CPNE5: variants seen among roughly 807,000 people sequenced by gnomAD.
CPNE5 encodes the protein copine-5.
A neutral mutation model predicts 81.1 loss-of-function variants in CPNE5; 42 were observed. That is an observed-to-expected ratio of 0.52 (90% confidence interval 0.40 to 0.67). The LOEUF is 0.67. Ranked by LOEUF, CPNE5 falls within the 30% of genes least tolerant of loss-of-function variation. The pLI is 0.00. For synonymous variants in CPNE5, 313 were observed against 321.5 expected (o/e 0.97, Z 0.28); for missense variants, 612 against 815.5 (o/e 0.75, Z 3.04).
At chr6:36,756,590 G>A (rs1222996039) in intron 12 of CPNE5, among the ~76,000 whole-genome samples, 2 of 152,172 alleles carry the variant, frequency 1.3e-5, no homozygotes, top group Non-Finnish European at 2.9e-5. Context: ...CCTCCACCCA[G>A]TATAGCCAAA....
intron 10 of CPNE5, among the ~76,000 whole-genome samples, chr6:36,772,349 G>A (rs1026476791): frequency 5.3e-5 from 8 of 151,878 alleles, no homozygotes; most frequent in Admixed American, 2.0e-4. Flanking sequence ...CAACCAGCCC[G>A]TCCTCTCACT....
intron 10 of CPNE5, among the ~76,000 whole-genome samples, chr6:36,771,507 C>T (rs1225422673): frequency 6.6e-6 from 1 of 152,214 alleles, no homozygotes; most frequent in African/African-American, 2.4e-5. Flanking sequence ...AGAGCAGGGC[C>T]TGGCCCATGG....
intron 3 of CPNE5, among the ~76,000 whole-genome samples, chr6:36,819,550 C>A (rs539870791): frequency 6.6e-6 from 1 of 152,210 alleles, no homozygotes. Context: ...AGTCCACCAA[C>A]GAAGAAGGGA....
At chr6:36,798,391 G>T in intron 5 of CPNE5, 64 bp downstream of exon 5, 4 of 1,565,774 alleles carry the variant, frequency 2.6e-6, no homozygotes, top group Admixed American at 1.7e-5. Context: ...AAAGCCCCAG[G>T]CTCACCCAGA....
At chr6:36,795,210 G>A (rs930067367) in intron 6 of CPNE5, among the ~76,000 whole-genome samples, 9 of 151,944 alleles carry the variant, frequency 5.9e-5, no homozygotes, top group Non-Finnish European at 7.4e-5. Context: ...ACAGAGTCTC[G>A]CTCTGTCACC....
At chr6:36,834,254 C>CAAAAAAAAAAAAAAAAAAA (rs1157250827) in intron 1 of CPNE5, among the ~76,000 whole-genome samples, 1 of 21,684 alleles carries the variant, frequency 4.6e-5, no homozygotes, top group East Asian at 1.0e-3. Flanking sequence ...GACTGTATCT[C>CAAAAAAAAAAAAAAAAAAA]AAAAAAAAAA....
At chr6:36,783,135 G>C (rs1317722702) in intron 8 of CPNE5, among the ~76,000 whole-genome samples, 1 of 152,132 alleles carries the variant, frequency 6.6e-6, no homozygotes, top group Non-Finnish European at 1.5e-5. Flanking sequence ...ATAATCAGCT[G>C]TTGTTTGCCT....
At chr6:36,830,851 T>C (rs1011944844) in intron 1 of CPNE5, among the ~76,000 whole-genome samples, 7 of 152,222 alleles carry the variant, frequency 4.6e-5, no homozygotes, top group African/African-American at 1.7e-4. Context: ...TTCCCCCTCC[T>C]GTCCCATCAG....
At chr6:36,796,182 C>G (rs1195719371) in intron 6 of CPNE5, among the ~76,000 whole-genome samples, 1 of 152,220 alleles carries the variant, frequency 6.6e-6, no homozygotes, top group African/African-American at 2.4e-5. Context: ...CTCCCGACCT[C>G]AGGTGATCCA....
At position 36,766,696 on chromosome 6, in the gene CPNE5, C is replaced by T. The variant is rs1766593368; in HGVS notation, c.738-1320G>A. On this transcript the variant is annotated intron_variant, in intron 10 of 20. Coordinates refer to ENST00000244751, the MANE Select transcript of CPNE5 (RefSeq NM_020939.2). The surrounding 1 kb of genome is among the most constrained non-coding windows in gnomAD (Gnocchi z 4.2). ...GGGACCTGAGATGTCACTTAATCTC[C>T]CCGAGCCATAAGCCACCATTGAAAG... is the stretch of plus-strand genomic sequence containing the variant. Among the ~76,000 whole-genome samples the T allele has an allele frequency of 1.3e-5, 2 of 152,146 alleles. No homozygotes were observed. The highest frequency in any genetic ancestry group is 2.9e-5 in the Non-Finnish European group (2 of 68,022).
At chr6:36,788,118 C>T (rs1768744162) in intron 8 of CPNE5, among the ~76,000 whole-genome samples, 2 of 151,330 alleles carry the variant, frequency 1.3e-5, no homozygotes, top group Non-Finnish European at 2.9e-5. Context: ...GCAGCTTTGA[C>T]CTCCCAAGCT....
chr6:36,812,707 A>C (rs1021624107), intron 3 of CPNE5, among the ~76,000 whole-genome samples: 1 of 152,218 alleles, frequency 6.6e-6, no homozygotes, highest in Admixed American at 6.5e-5. Context: ...TGGACTGCCT[A>C]ACCCTGATCA....
At chr6:36,749,674 C>T (rs977357119) in intron 14 of CPNE5, among the ~76,000 whole-genome samples, 1 of 136,812 alleles carries the variant, frequency 7.3e-6, no homozygotes, top group African/African-American at 2.7e-5. Flanking sequence ...AAAAAAAAAA[C>T]CCACTAAAAT....
At chr6:36,816,430 C>T (rs554752798) in intron 3 of CPNE5, among the ~76,000 whole-genome samples, 7 of 152,334 alleles carry the variant, frequency 4.6e-5, no homozygotes, top group African/African-American at 1.2e-4. Context: ...CCAGGGGCCA[C>T]GAGAGCAGAT....
rs1394763921 is a variant in CPNE5, at chr6:36,740,789, C to G, written c.*1479G>C. The G allele has an allele frequency of 6.6e-6, 1 of 152,564 alleles. No homozygotes were observed. Among genetic ancestry groups the G allele is most frequent in the African/African-American group, 2.4e-5 (1 of 41,444 alleles). The allele number at this position is 152,564 out of a possible 1,614,324, so 9.5% of individuals were successfully genotyped here. A position where few individuals can be genotyped will look rare whatever the true frequency, so the allele number is the denominator to read the frequency against. On this transcript the variant is annotated 3_prime_UTR_variant, in exon 21 of 21. Coordinates refer to ENST00000244751, the MANE Select transcript of CPNE5 (RefSeq NM_020939.2). ...AAACTTCGTGCTTTACTAAAAGAAC[C>G]AAATTTACTTCAGTTTAAGGCAAAT...
At chr6:36,744,059 A>T (rs1215660144) in intron 19 of CPNE5, among the ~76,000 whole-genome samples, 1 of 152,206 alleles carries the variant, frequency 6.6e-6, no homozygotes, top group Non-Finnish European at 1.5e-5. Context: ...GTGTGGGTGC[A>T]CACCCAGACC....
rs779507694 is a variant in CPNE5 at position 36,756,287 on chromosome 6, C to T, written c.867G>A (p.Pro289=). Residue 289 remains proline, a synonymous_variant, in exon 13 of 21, where the codon CCG becomes CCA. Transcript: ENST00000244751. ...SQFNIYEVVN[P]KKKMKKKKYV... ...ATTTCTTTTTCTTCATTTTCTTTTT[C>T]GGGTTTACCACCTGCAGGAAAAACC... The T allele has an allele frequency of 4.9e-5, 79 of 1,613,718 alleles. No individual in the cohort carries two copies. Among genetic ancestry groups the T allele is most frequent in the South Asian group, 3.8e-4 (35 of 91,014 alleles).
At chr6:36,767,021 A>AT (rs1766619514) in intron 10 of CPNE5, among the ~76,000 whole-genome samples, 1 of 151,946 alleles carries the variant, frequency 6.6e-6, no homozygotes, top group Non-Finnish European at 1.5e-5. Context: ...CACCTGGCTA[A>AT]TTTTTTGTAT....
chr6:36,833,144 A>C (rs1398780466), intron 1 of CPNE5, among the ~76,000 whole-genome samples: 2 of 152,176 alleles, frequency 1.3e-5, no homozygotes, highest in African/African-American at 4.8e-5. Flanking sequence ...AATCTCAAGA[A>C]GCCCTCAAGG....
Sources: gnomAD v4.1 joint callset for allele counts (sites outside exome capture counted in the v4.1 genomes callset) on GRCh38, gnomAD v4.1.1 for gene constraint, Gnocchi (gnomAD v3.1) non-coding constraint, MANE v1.5 for transcripts, NCBI Gene and HGNC (gene_info 2026-07-23, HGNC 2026-07-21) for gene names.